FOXP1: variants seen among roughly 807,000 people sequenced by gnomAD.
FOXP1 encodes the protein forkhead box P1, also known as forkhead box protein P1.
FOXP1 carries 15 observed loss-of-function variants against 98.2 expected under a neutral mutation model. That is an observed-to-expected ratio of 0.15 (90% CI 0.10 to 0.24). The LOEUF (loss-of-function observed/expected upper bound fraction) is 0.24. FOXP1 is among the 10% of genes least tolerant of loss of function. The pLI is 1.00. For missense variants in FOXP1, 633 were observed against 848.5 expected (o/e 0.75, Z 3.15); for synonymous variants, 371 against 314.5 (o/e 1.18, Z -1.90).
rs1281265837 is a variant in FOXP1, at chr3:71,174,944, G to C, written c.180+23258C>G. 4.1e-5 allele frequency among the ~76,000 whole-genome samples: 6 copies of C among 147,116 alleles called. No individual in the cohort carries two copies. In the East Asian group the frequency reaches 1.2e-3, roughly 29 times the overall value. ...TTTTTTTTTTTTGAGATGGAGTCTCGCTCTTGTTGCCCAGACTGGAGAGCA... is the reference window on the plus strand; with the variant it reads ...TTTTTTTTTTTTGAGATGGAGTCTCCCTCTTGTTGCCCAGACTGGAGAGCA... On this transcript the variant is annotated intron_variant, in intron 6 of 20. Coordinates refer to ENST00000649528, the MANE Select transcript of FOXP1 (RefSeq NM_001349338.3).
chr3:71,583,722 C>T lies in FOXP1; in HGVS notation c.-598G>A. The T allele has an allele frequency of 1.7e-5, 17 of 985,164 alleles. No individual in the cohort carries two copies. The highest frequency in any genetic ancestry group is 2.0e-5 in the Non-Finnish European group (17 of 829,910). The allele number at this position is 985,164 out of a possible 1,614,324, so 61.0% of individuals were successfully genotyped here. A position where few individuals can be genotyped will look rare whatever the true frequency, so the allele number is the denominator to read the frequency against. ...CTCCCGGGCGAGGGCCGGGCCGCCG[C>T]GAGTACAGCGTGCAACCGCCACACA... is the stretch of plus-strand genomic sequence containing the variant. On this transcript the variant is annotated 5_prime_UTR_variant, in exon 1 of 21. Coordinates refer to ENST00000649528, the MANE Select transcript of FOXP1 (RefSeq NM_001349338.3).
At chr3:71,554,444 G>A (rs1173353548) in intron 2 of FOXP1, among the ~76,000 whole-genome samples, 1 of 152,060 alleles carries the variant, frequency 6.6e-6, no homozygotes, top group Non-Finnish European at 1.5e-5. Context: ...CTTTTTAATG[G>A]AATTCATAAT....
intron 4 of FOXP1, among the ~76,000 whole-genome samples, chr3:71,312,327 C>T (rs2107626170): frequency 6.6e-6 from 1 of 152,292 alleles, no homozygotes; most frequent in Middle Eastern, 3.4e-3. Flanking sequence ...CCTTTTCTAT[C>T]ATATAAGGCA....
intron 3 of FOXP1, among the ~76,000 whole-genome samples, chr3:71,467,581 G>A (rs137968764): frequency 5.6e-4 from 85 of 152,262 alleles, no homozygotes; most frequent in African/African-American, 1.9e-3. Context: ...GGAAGAAAAC[G>A]TCTTTATAAG....
Position 71,418,033 on chromosome 3 carries a change from A to T in FOXP1, c.-167-58789T>A, listed in dbSNP as rs74345811. 9.0e-3 allele frequency among the ~76,000 whole-genome samples: 1,356 copies of T among 150,934 alleles called. 18 individuals are homozygous for T. Among genetic ancestry groups the T allele is most frequent in the Non-Finnish European group, 0.012 (827 of 67,884 alleles). On this transcript the variant is annotated intron_variant, in intron 3 of 20. Transcript: ENST00000649528. ...GCTTTTCATGTAATTTTTACTCACG[A>T]AGTTGCCAGTGTTAATTTCTACAGG...
chr3:71,018,397 TAAA>T (rs2044843438), intron 11 of FOXP1, among the ~76,000 whole-genome samples: 1 of 152,170 alleles, frequency 6.6e-6, no homozygotes, highest in Non-Finnish European at 1.5e-5. Flanking sequence ...GTCTCTTAGT[TAAA>T]AAAATTTCTT....
At chr3:71,240,874 T>C (rs966875069) in intron 5 of FOXP1, among the ~76,000 whole-genome samples, 13 of 151,860 alleles carry the variant, frequency 8.6e-5, no homozygotes, top group African/African-American at 1.4e-4. Context: ...ATCTCATCTA[T>C]GAAGGCCCAG....
chr3:70,964,753 C>A (rs1467469500), intron 20 of FOXP1, among the ~76,000 whole-genome samples: 1 of 152,254 alleles, frequency 6.6e-6, no homozygotes, highest in South Asian at 2.1e-4. Flanking sequence ...ATGATTATTT[C>A]CATATCCAGA....
At chr3:71,346,793 A>G (rs1300675021) in intron 4 of FOXP1, among the ~76,000 whole-genome samples, 1 of 151,984 alleles carries the variant, frequency 6.6e-6, no homozygotes, top group Non-Finnish European at 1.5e-5. Context: ...AAGCCCCATT[A>G]AAAAAAATTA....
intron 13 of FOXP1, among the ~76,000 whole-genome samples, chr3:70,992,712 A>C (rs1369964040): frequency 6.6e-6 from 1 of 152,184 alleles, no homozygotes; most frequent in Non-Finnish European, 1.5e-5. Context: ...TTGACATTTA[A>C]AGCAGACGCA....
intron 4 of FOXP1, among the ~76,000 whole-genome samples, chr3:71,302,376 A>T (rs745409248): frequency 2.6e-5 from 4 of 151,994 alleles, no homozygotes; most frequent in Non-Finnish European, 4.4e-5. Context: ...AAAGCATACA[A>T]CTTCCCTTTC....
intron 5 of FOXP1, among the ~76,000 whole-genome samples, chr3:71,207,561 G>A (rs537413968): frequency 7.2e-4 from 109 of 152,290 alleles, no homozygotes; most frequent in Non-Finnish European, 1.3e-3. Flanking sequence ...CTCACAGACA[G>A]ATGAGCAAGG....
intron 2 of FOXP1, among the ~76,000 whole-genome samples, chr3:71,580,040 G>A (rs552281483): frequency 6.6e-6 from 1 of 152,112 alleles, no homozygotes; most frequent in African/African-American, 2.4e-5. Flanking sequence ...CTTGCTGCTT[G>A]ATCGAATAGT....
intron 4 of FOXP1, among the ~76,000 whole-genome samples, chr3:71,335,819 A>C (rs996679520): frequency 3.3e-5 from 5 of 152,006 alleles, no homozygotes; most frequent in Admixed American, 3.3e-4. Context: ...AGCTTGGCCA[A>C]CGTGGTGAAA....
intron 2 of FOXP1, among the ~76,000 whole-genome samples, chr3:71,569,757 T>C (rs1009465733): frequency 6.6e-6 from 1 of 151,904 alleles, no homozygotes; most frequent in African/African-American, 2.4e-5. Flanking sequence ...AATGGCTATG[T>C]GACTCAGTGA....
At chr3:71,021,737 C>T (rs892721096) in intron 11 of FOXP1, among the ~76,000 whole-genome samples, 2 of 152,122 alleles carry the variant, frequency 1.3e-5, no homozygotes, top group African/African-American at 4.8e-5. Context: ...GGAAATGGTA[C>T]CTTATTGTGC....
rs1473663191 is a variant in FOXP1 at position 70,979,931 on chromosome 3, T to A, written c.1147-1902A>T. Among the ~76,000 whole-genome samples the A allele has an allele frequency of 4.9e-4, 75 of 152,088 alleles. 1 individual carries two copies. The highest frequency in any genetic ancestry group is 4.8e-3 in the Admixed American group (74 of 15,272). ...TGTAAACATGGCGCTGGAAACAGAA[T>A]GTTGTGAGCTTTGAGTTGTGCTTTC... On this transcript the variant is annotated intron_variant, in intron 14 of 20. Coordinates refer to ENST00000649528, the MANE Select transcript of FOXP1 (RefSeq NM_001349338.3).
chr3:71,419,222 G>A (rs1195678543), intron 3 of FOXP1, among the ~76,000 whole-genome samples: 7 of 118,512 alleles, frequency 5.9e-5, no homozygotes, highest in African/African-American at 1.6e-4. Flanking sequence ...GTGACAGAGG[G>A]AGACTCCATC....
intron 14 of FOXP1, among the ~76,000 whole-genome samples, chr3:70,979,890 A>G (rs2038509590): frequency 1.3e-5 from 2 of 152,228 alleles, no homozygotes; most frequent in South Asian, 4.1e-4. Context: ...ATCATGAAGA[A>G]ATACTAATGG....
Sources: gnomAD v4.1 joint callset for allele counts (sites outside exome capture counted in the v4.1 genomes callset) on GRCh38, gnomAD v4.1.1 for gene constraint, MANE v1.5 for transcripts, NCBI Gene and HGNC (gene_info 2026-07-23, HGNC 2026-07-21) for gene names.